EFCAB13: variants seen among roughly 807,000 people sequenced by gnomAD.
EFCAB13 encodes the protein EF-hand calcium-binding domain-containing protein 13.
A neutral mutation model predicts 110.2 loss-of-function variants in EFCAB13; 91 were observed. The observed-to-expected ratio is 0.83, with a 90% CI of 0.70 to 0.98. The LOEUF is 0.98. EFCAB13 is among the 50% of genes least tolerant of loss of function. The pLI is 0.00. For missense variants in EFCAB13, 968 were observed against 1,119.4 expected (o/e 0.86, Z 1.93); for synonymous variants, 323 against 369.9 (o/e 0.87, Z 1.45).
chr17:47,381,722 G>C (rs2065648113), intron 14 of EFCAB13, among the ~76,000 whole-genome samples: 1 of 152,038 alleles, frequency 6.6e-6, no homozygotes, highest in Admixed American at 6.6e-5. Context: ...ATCTGTTCTG[G>C]TACCAGTACC....
intron 4 of EFCAB13, among the ~76,000 whole-genome samples, chr17:47,331,168 T>G (rs1430346408): frequency 6.6e-6 from 1 of 152,186 alleles, no homozygotes; most frequent in Non-Finnish European, 1.5e-5. Context: ...ATTCTGGATA[T>G]TAGTCCTTTG....
chr17:47,401,712 T>A (rs554596270), intron 17 of EFCAB13, among the ~76,000 whole-genome samples: 1 of 149,666 alleles, frequency 6.7e-6, no homozygotes, highest in East Asian at 2.0e-4. Context: ...TGGTGAGATC[T>A]TGGCTCACAG....
intron 12 of EFCAB13, among the ~76,000 whole-genome samples, chr17:47,376,432 A>C (rs948904521): frequency 1.3e-5 from 2 of 152,224 alleles, no homozygotes; most frequent in Non-Finnish European, 2.9e-5. Context: ...CTAAAATAAA[A>C]TGATGTCATC....
intron 17 of EFCAB13, among the ~76,000 whole-genome samples, chr17:47,396,912 A>G (rs2065741326): frequency 6.6e-6 from 1 of 152,146 alleles, no homozygotes; most frequent in African/African-American, 2.4e-5. Context: ...GTTAAAGTTA[A>G]TGGAATTTAT....
intron 13 of EFCAB13, among the ~76,000 whole-genome samples, 162 bp downstream of exon 13, chr17:47,378,065 T>A (rs933279471): frequency 6.6e-6 from 1 of 152,094 alleles, no homozygotes; most frequent in African/African-American, 2.4e-5. Context: ...TAAAAAAAAA[T>A]TCCTTTAAGT....
At chr17:47,413,821 T>A (rs574952567) in intron 22 of EFCAB13, among the ~76,000 whole-genome samples, 1 of 152,284 alleles carries the variant, frequency 6.6e-6, no homozygotes, top group East Asian at 1.9e-4. Flanking sequence ...ATTTCTTTTT[T>A]AAAAAACCAG....
At chr17:47,436,335 G>C (rs544075986) in intron 24 of EFCAB13, among the ~76,000 whole-genome samples, 9 of 152,044 alleles carry the variant, frequency 5.9e-5, no homozygotes, top group African/African-American at 2.2e-4. Flanking sequence ...GTGGAATAGC[G>C]TCAAAAGGGT....
At chr17:47,364,760 A>G (rs1305603043) in intron 10 of EFCAB13, among the ~76,000 whole-genome samples, 4 of 152,306 alleles carry the variant, frequency 2.6e-5, no homozygotes, top group South Asian at 4.1e-4. Flanking sequence ...TATTCTCCTC[A>G]TATAAAATCT....
At chr17:47,435,211 G>C (rs1226434404) in intron 24 of EFCAB13, among the ~76,000 whole-genome samples, 1 of 152,008 alleles carries the variant, frequency 6.6e-6, no homozygotes, top group African/African-American at 2.4e-5. Flanking sequence ...CCATCAAAAA[G>C]TGGGCAAAGG....
intron 23 of EFCAB13, among the ~76,000 whole-genome samples, chr17:47,425,749 T>G (rs1904929709): frequency 6.6e-6 from 1 of 152,234 alleles, no homozygotes; most frequent in South Asian, 2.1e-4. Context: ...ATTGTCGGCA[T>G]GCCTGTTGAT....
intron 2 of EFCAB13, among the ~76,000 whole-genome samples, chr17:47,325,923 A>AATATGTAT: frequency 9.8e-6 from 1 of 102,564 alleles, no homozygotes; most frequent in South Asian, 3.8e-4. Flanking sequence ...ATATAAACAA[A>AATATGTAT]ATATATATAT....
At chr17:47,348,517 TTTTG>T (rs1361406285) in intron 9 of EFCAB13, among the ~76,000 whole-genome samples, 5 of 152,134 alleles carry the variant, frequency 3.3e-5, no homozygotes, top group African/African-American at 1.2e-4. Context: ...GTATATAATC[TTTTG>T]TTTTTTTCCC....
At chr17:47,362,195 A>C (rs111322101) in intron 10 of EFCAB13, among the ~76,000 whole-genome samples, 13,367 of 152,188 alleles carry the variant, frequency 0.088, 846 homozygotes, top group East Asian at 0.35. Flanking sequence ...ATATGAATAT[A>C]ATTAATCATT....
At chr17:47,330,477 C>A (rs1876041064) in intron 4 of EFCAB13, among the ~76,000 whole-genome samples, 1 of 151,964 alleles carries the variant, frequency 6.6e-6, no homozygotes, top group East Asian at 1.9e-4. Flanking sequence ...CTCTCCACTT[C>A]TGAATCTCTA....
chr17:47,339,549 C>A (rs971356309), intron 5 of EFCAB13, among the ~76,000 whole-genome samples: 1 of 152,048 alleles, frequency 6.6e-6, no homozygotes, highest in African/African-American at 2.4e-5. Context: ...AATGCTTACT[C>A]GCCAGCCACT....
chr17:47,375,295 A>T (rs1049772297), intron 12 of EFCAB13, among the ~76,000 whole-genome samples: 1 of 151,908 alleles, frequency 6.6e-6, no homozygotes, highest in East Asian at 1.9e-4. Flanking sequence ...TAGTATGTCT[A>T]TTTTTTATTT....
chr17:47,392,205 T>C (rs1284431965), intron 15 of EFCAB13, among the ~76,000 whole-genome samples: 1 of 152,218 alleles, frequency 6.6e-6, no homozygotes, highest in Non-Finnish European at 1.5e-5. Context: ...ATGTCTAAGT[T>C]GTATGATACC....
chr17:47,397,050 C>G (rs988193250), intron 17 of EFCAB13, among the ~76,000 whole-genome samples: 1 of 143,768 alleles, frequency 7.0e-6, no homozygotes, highest in African/African-American at 2.5e-5. Flanking sequence ...CCCCCTTTCC[C>G]TCTCATGCCG....
chr17:47,417,064 A>G (rs1292815555), intron 23 of EFCAB13, among the ~76,000 whole-genome samples: 1 of 152,240 alleles, frequency 6.6e-6, no homozygotes, highest in Non-Finnish European at 1.5e-5. Context: ...TGATTAACAC[A>G]TATCTTTACG....
Sources: gnomAD v4.1 joint callset for allele counts (sites outside exome capture counted in the v4.1 genomes callset) on GRCh38, gnomAD v4.1.1 for gene constraint, MANE v1.5 for transcripts, NCBI Gene and HGNC (gene_info 2026-07-23, HGNC 2026-07-21) for gene names.